USP21: variants seen among roughly 807,000 people sequenced by gnomAD.
The protein encoded by USP21 is ubiquitin carboxyl-terminal hydrolase 21.
Under a neutral mutation model 70.8 loss-of-function variants are expected in USP21, and 37 were observed. The ratio of observed to expected loss-of-function variants is 0.52; its 90% CI spans 0.40 to 0.69. The LOEUF is 0.69. USP21 is among the 30% of genes least tolerant of loss of function. USP21 has a pLI of 0.00. For missense variants in USP21, 584 were observed against 740.8 expected (o/e 0.79, Z 2.46); for synonymous variants, 263 against 283.1 (o/e 0.93, Z 0.71).
At position 161,164,524 on chromosome 1, in the gene USP21, A is replaced by G. The variant is rs1185070492; in HGVS notation, c.1306-10A>G. On this transcript the variant is annotated splice_polypyrimidine_tract_variant and intron_variant, in intron 10 of 13. Transcript: ENST00000368002. The surrounding 1 kb of genome is among the most constrained non-coding windows in gnomAD (Gnocchi z 4.2). ...GCATATTAACCTAACACTGTTTGCC[A>G]TTTATTCAGGTGTGTGACCGATGTC... The G allele has an allele frequency of 2.5e-6, 4 of 1,614,186 alleles. No homozygotes were observed. Among genetic ancestry groups the G allele is most frequent in the South Asian group, 1.1e-5 (1 of 91,082 alleles).
chr1:161,163,586 C>T lies in USP21; in HGVS notation c.1081C>T (p.Arg361Cys), dbSNP rs752329005. Residue 361 changes from arginine to cysteine, a missense_variant, in exon 8 of 14, where the codon CGT becomes TGT. Transcript: ENST00000368002. ...DDDRANLMWK[R>C]YLEREDSKIV... ...TGACCGAGCCAACCTAATGTGGAAA[C>T]GTTACCTGGAGCGAGAGGACAGCAA... is the stretch of plus-strand genomic sequence containing the variant. The T allele has an allele frequency of 1.2e-5, 19 of 1,611,950 alleles. No homozygotes were observed. The highest frequency in any genetic ancestry group is 1.5e-5 in the Non-Finnish European group (18 of 1,179,768).
In USP21 at chr1:161,163,863, T is replaced by C. The variant is rs758623336; in HGVS notation, c.1115-15T>C. On this transcript the variant is annotated splice_polypyrimidine_tract_variant and intron_variant, in intron 8 of 13. Transcript: ENST00000368002. ...CAACAATGACCTTTTCTCCTGTCCCTGTGCTTCTGTCTAGACCTGTTTGTG... is the reference window on the plus strand; with the variant it reads ...CAACAATGACCTTTTCTCCTGTCCCCGTGCTTCTGTCTAGACCTGTTTGTG... 2.5e-5 allele frequency: 40 copies of C among 1,608,682 alleles called. No homozygotes were observed. The highest frequency in any genetic ancestry group is 1.6e-4 in the Middle Eastern group (1 of 6,078).
Position 161,164,481 on chromosome 1 carries a change from A to G in USP21, c.1306-53A>G, listed in dbSNP as rs373100248. 4 of 1,607,124 alleles carry G rather than the reference A, an allele frequency of 2.5e-6. No homozygotes were observed. The highest frequency in any genetic ancestry group is 2.6e-6 in the Non-Finnish European group (3 of 1,173,946). ...TGTATGTGGATCGGGGTGTCAGAAA[A>G]GCCAATTGAGGTTAGGAGCATATTA... On this transcript the variant is annotated intron_variant, in intron 10 of 13. Transcript: ENST00000368002. The surrounding 1 kb of genome is among the most constrained non-coding windows in gnomAD (Gnocchi z 4.2).
rs1384492452 is a variant in USP21 at position 161,164,257 on chromosome 1, G to C, written c.1305+7G>C. ...AGAGTCGGAGAATGCCCCAGTATGT[G>C]GAGGTTCACAAGGGATACAGTAAGG... On this transcript the variant is annotated splice_region_variant and intron_variant, in intron 10 of 13. Transcript: ENST00000368002. This position sits in a 1 kb window ranked among gnomAD's most constrained non-coding sequence, Gnocchi z 4.2. 8 of 1,613,868 alleles carry C rather than the reference G, an allele frequency of 5.0e-6. No individual in the cohort carries two copies. The African/African-American group carries it at 8.0e-5, about 16-fold the overall frequency.
In USP21 at chr1:161,164,495, A is replaced by G. The variant is rs375170226; in HGVS notation, c.1306-39A>G. 2 of 1,613,174 alleles carry G rather than the reference A, an allele frequency of 1.2e-6. No individual in the cohort carries two copies. The highest frequency in any genetic ancestry group is 2.7e-5 in the African/African-American group (2 of 74,920). ...GGTGTCAGAAAAGCCAATTGAGGTT[A>G]GGAGCATATTAACCTAACACTGTTT... On this transcript the variant is annotated intron_variant, in intron 10 of 13. Transcript: ENST00000368002. This position sits in a 1 kb window ranked among gnomAD's most constrained non-coding sequence, Gnocchi z 4.2.
In USP21 at chr1:161,161,053, C is replaced by T. The variant is rs1328520627; in HGVS notation, c.413C>T (p.Ala138Val). 3 of 1,614,260 alleles carry T rather than the reference C, an allele frequency of 1.9e-6. No individual in the cohort carries two copies. The highest frequency in any genetic ancestry group is 2.2e-5 in the South Asian group (2 of 91,090). The change falls in exon 3 of 14, where the codon GCA (alanine) becomes GTA (valine). Residue 138 changes from alanine to valine, a missense_variant. Transcript: ENST00000368002. This position sits in a 1 kb window ranked among gnomAD's most constrained non-coding sequence, Gnocchi z 4.2. ...GHRGTGELGA[A>V]LSRLALRPEP... ...CGTGGCACCGGAGAGCTTGGGGCTG[C>T]ACTGAGCCGCTTGGCCCTCCGGCCT... is the stretch of plus-strand genomic sequence containing the variant.
chr1:161,164,708 G>T lies in USP21; in HGVS notation c.1384+96G>T, dbSNP rs12026649. 8.5e-5 allele frequency: 137 copies of T among 1,603,710 alleles called. No homozygotes were observed. The East Asian group carries it at 3.0e-3, about 35-fold the overall frequency. ...GAGAATTGAATTTTCCTTAGGAAAA[G>T]TCTGCCACCCACTTTTCCACAAGAT... On this transcript the variant is annotated intron_variant, in intron 11 of 13. Transcript: ENST00000368002. The surrounding 1 kb of genome is among the most constrained non-coding windows in gnomAD (Gnocchi z 4.2).
chr1:161,161,578 G>C lies in USP21; in HGVS notation c.600+338G>C, dbSNP rs1031768593. The C allele has an allele frequency of 2.6e-5, 10 of 378,004 alleles. No homozygotes were observed. The South Asian group carries it at 3.7e-4, about 14-fold the overall frequency. 23.4% of individuals were successfully genotyped at this position (378,004 alleles called of 1,614,324 possible). ...CCTAATTAATCTCTGGAGCTAAAGA[G>C]AGGCAGGCACAGAACATCTTAGCAA... On this transcript the variant is annotated intron_variant, in intron 3 of 13. Transcript: ENST00000368002. The surrounding 1 kb of genome is among the most constrained non-coding windows in gnomAD (Gnocchi z 4.2).
chr1:161,160,704 C>T lies in USP21; in HGVS notation c.64C>T (p.Arg22Ter), dbSNP rs1657838800. The T allele has an allele frequency of 1.9e-6, 3 of 1,614,194 alleles. No individual in the cohort carries two copies. Among genetic ancestry groups the T allele is most frequent in the Non-Finnish European group, 2.5e-6 (3 of 1,180,050 alleles). The change falls in exon 3 of 14, where the codon CGA becomes TGA. Residue 22 changes from arginine (R) to a stop codon, truncating the protein, a stop_gained. Transcript: ENST00000368002. LOFTEE classifies it high-confidence loss of function. ...TREPPVNIQP[R>*]VGSKLPFAPR... ...AGAGCCACCTGTTAATATCCAGCCC[C>T]GAGTGGGATCCAAGCTACCATTTGC... is the stretch of plus-strand genomic sequence containing the variant.
chr1:161,161,756 G>T lies in USP21; in HGVS notation c.601-282G>T. On this transcript the variant is annotated intron_variant, in intron 3 of 13. Transcript: ENST00000368002. This position sits in a 1 kb window ranked among gnomAD's most constrained non-coding sequence, Gnocchi z 4.2. ...AGCTGGGCAACCATGCCGGTGCTGGGGGAGTTGCCCCAGGAGCTGCAACGT... is the reference window on the plus strand; with the variant it reads ...AGCTGGGCAACCATGCCGGTGCTGGTGGAGTTGCCCCAGGAGCTGCAACGT... 1 of 517,364 alleles carries T rather than the reference G, an allele frequency of 1.9e-6. No homozygotes were observed. The allele number at this position is 517,364 out of a possible 1,614,324, so 32.0% of individuals were successfully genotyped here.
rs1325937564 is a variant in USP21, at chr1:161,164,301, C to T, written c.1305+51C>T. On this transcript the variant is annotated intron_variant, in intron 10 of 13. Transcript: ENST00000368002. This position sits in a 1 kb window ranked among gnomAD's most constrained non-coding sequence, Gnocchi z 4.2. ...AGTAAGGGTGGGAGACCTGGGGGGA[C>T]TCCATGTGGATAAAAGGGATTGCAT... 26 of 1,552,472 alleles carry T rather than the reference C, an allele frequency of 1.7e-5. No homozygotes were observed. The highest frequency in any genetic ancestry group is 2.2e-5 in the Non-Finnish European group (25 of 1,124,294).
chr1:161,159,868 CG>C, intron 1 of USP21, among the ~76,000 whole-genome samples, 190 bp downstream of exon 1: 1 of 152,352 alleles, frequency 6.6e-6, no homozygotes, highest in East Asian at 1.9e-4. Flanking sequence ...TCAGCGGTCT[CG>C]GCCTTTCTGC....
Position 161,161,575 on chromosome 1 carries a change from A to G in USP21, c.600+335A>G, listed in dbSNP as rs1328772516. 1 of 378,070 alleles carries G rather than the reference A, an allele frequency of 2.6e-6. No homozygotes were observed. The highest frequency in any genetic ancestry group is 2.0e-5 in the African/African-American group (1 of 49,038). 23.4% of individuals were successfully genotyped at this position (378,070 alleles called of 1,614,324 possible). On this transcript the variant is annotated intron_variant, in intron 3 of 13. Coordinates refer to ENST00000368002, the MANE Select transcript of USP21 (RefSeq NM_001014443.3). The surrounding 1 kb of genome is among the most constrained non-coding windows in gnomAD (Gnocchi z 4.2). ...AGGCCTAATTAATCTCTGGAGCTAA[A>G]GAGAGGCAGGCACAGAACATCTTAG...
Position 161,160,679 on chromosome 1 carries a change from A to C in USP21, c.39A>C (p.Arg13=), listed in dbSNP as rs1657835943. Residue 13 remains arginine (R), a synonymous_variant, in exon 3 of 14, where the codon CGA becomes CGC. Transcript: ENST00000368002. ...QASEHRLGRT[R]EPPVNIQPRV... Reference sequence around the variant, plus strand: ...CTGAGCACCGCCTGGGCCGTACCCGAGAGCCACCTGTTAATATCCAGCCCC... The same window carrying C: ...CTGAGCACCGCCTGGGCCGTACCCGCGAGCCACCTGTTAATATCCAGCCCC... The C allele has an allele frequency of 6.2e-7, 1 of 1,613,994 alleles. No individual in the cohort carries two copies. The highest frequency in any genetic ancestry group is 1.1e-5 in the South Asian group (1 of 91,082).
At position 161,160,707 on chromosome 1, in the gene USP21, G is replaced by C. The variant is rs780099574; in HGVS notation, c.67G>C (p.Val23Leu). The change falls in exon 3 of 14, where the codon GTG becomes CTG. Residue 23 changes from valine (V) to leucine (L), a missense_variant. Coordinates refer to ENST00000368002, the MANE Select transcript of USP21 (RefSeq NM_001014443.3). ...GCCACCTGTTAATATCCAGCCCCGA[G>C]TGGGATCCAAGCTACCATTTGCCCC... ...REPPVNIQPRVGSKLPFAPRA... is the reference protein window; with the variant it reads ...REPPVNIQPRLGSKLPFAPRA... The C allele has an allele frequency of 2.5e-6, 4 of 1,614,060 alleles. No homozygotes were observed. Among genetic ancestry groups the C allele is most frequent in the East Asian group, 4.5e-5 (2 of 44,900 alleles).
At chr1:161,160,596 G>A (rs1197517704) in intron 2 of USP21, 24 bp from the exon 3 acceptor site, 1 of 1,583,744 alleles carries the variant, frequency 6.3e-7, no homozygotes, top group Non-Finnish European at 8.6e-7. Context: ...ATATTCAAAT[G>A]CTGACACTCT....
Position 161,160,778 on chromosome 1 carries a change from C to T in USP21, c.138C>T (p.Asn46=). 6.2e-7 allele frequency: 1 copy of T among 1,614,234 alleles called. No individual in the cohort carries two copies. The highest frequency in any genetic ancestry group is 8.5e-7 in the Non-Finnish European group (1 of 1,180,048). ...KERRNPASGP[N]PMLRPLPPRP... is the part of the protein sequence containing the mutation. ...GCAGAAACCCAGCCTCTGGGCCAAA[C>T]CCCATGTTACGACCTCTGCCTCCCC... is the stretch of plus-strand genomic sequence containing the variant. The change falls in exon 3 of 14, where the codon AAC becomes AAT. Residue 46 remains asparagine, a synonymous_variant. Coordinates refer to ENST00000368002, the MANE Select transcript of USP21 (RefSeq NM_001014443.3).
rs1558003742 is a variant in USP21, at chr1:161,162,446, C to T, written c.781+56C>T. On this transcript the variant is annotated intron_variant, in intron 5 of 13. Coordinates refer to ENST00000368002, the MANE Select transcript of USP21 (RefSeq NM_001014443.3). The surrounding 1 kb of genome is among the most constrained non-coding windows in gnomAD (Gnocchi z 4.1). ...AAGTCCCTTTTTCCCCAACCACTTG[C>T]AGGTCCATCTGCCACTGGTGGTGGC... 5 of 1,567,536 alleles carry T rather than the reference C, an allele frequency of 3.2e-6. No individual in the cohort carries two copies. Among genetic ancestry groups the T allele is most frequent in the East Asian group, 4.5e-5 (2 of 44,434 alleles).
chr1:161,164,275 C>T lies in USP21; in HGVS notation c.1305+25C>T. 1.2e-6 allele frequency: 2 copies of T among 1,609,372 alleles called. No homozygotes were observed. Among genetic ancestry groups the T allele is most frequent in the South Asian group, 2.2e-5 (2 of 90,954 alleles). ...AGTATGTGGAGGTTCACAAGGGATACAGTAAGGGTGGGAGACCTGGGGGGA... is the reference window on the plus strand; with the variant it reads ...AGTATGTGGAGGTTCACAAGGGATATAGTAAGGGTGGGAGACCTGGGGGGA... On this transcript the variant is annotated intron_variant, in intron 10 of 13. Coordinates refer to ENST00000368002, the MANE Select transcript of USP21 (RefSeq NM_001014443.3). This position sits in a 1 kb window ranked among gnomAD's most constrained non-coding sequence, Gnocchi z 4.2.
Sources: allele counts gnomAD v4.1 joint callset (sites outside exome capture counted in the v4.1 genomes callset), GRCh38; gene constraint gnomAD v4.1.1; non-coding constraint Gnocchi (gnomAD v3.1); transcripts MANE v1.5; gene names NCBI Gene and HGNC (gene_info 2026-07-23, HGNC 2026-07-21).